Variants in ACAT2 observed in about 807,000 individuals in gnomAD.
The protein encoded by ACAT2 is acetyl-CoA acetyltransferase 2.
ACAT2 carries 26 observed loss-of-function variants against 37.1 expected under a neutral mutation model. The ratio of observed to expected loss-of-function variants is 0.70; its 90% CI spans 0.51 to 0.97. The LOEUF (loss-of-function observed/expected upper bound fraction) is 0.97. Among genes scored for constraint, ACAT2 ranks in the 50% least tolerant of loss-of-function variants. The probability of loss-of-function intolerance (pLI) is 0.00; values close to 1 mark genes in which losing one functional copy is unlikely to be tolerated. For missense variants in ACAT2, 468 were observed against 489.0 expected, an observed-to-expected ratio of 0.96 and a Z score of 0.40; for synonymous variants, 156 against 163.6, an observed-to-expected ratio of 0.95 and a Z score of 0.35.
chr6:159,772,456 GA>G (rs1780352599), intron 4 of ACAT2, among the ~76,000 whole-genome samples: 1 of 152,132 alleles, frequency 6.6e-6, no homozygotes, highest in Non-Finnish European at 1.5e-5. Context: ...GGCATCAATG[GA>G]ATGAAATGGA....
At chr6:159,765,682 T>A (rs75482622) in intron 2 of ACAT2, among the ~76,000 whole-genome samples, 1 of 9,070 alleles carries the variant, frequency 1.1e-4, no homozygotes, top group Non-Finnish European at 3.1e-4. Context: ...TGCGCCCCCC[T>A]CCCCCGGCCT....
At position 159,777,395 on chromosome 6, in the gene ACAT2, C is replaced by G. The variant is rs146437481; in HGVS notation, c.851C>G (p.Ser284Cys). 5.0e-4 allele frequency: 809 copies of G among 1,614,142 alleles called. 7 individuals are homozygous for G. In the East Asian group the frequency reaches 0.013, roughly 25 times the overall value. The change falls in exon 7 of 9, where the codon TCC becomes TGC. Residue 284 changes from serine (S) to cysteine (C), a missense_variant. Ser to Cys is a moderately radical substitution (Grantham distance 112). Transcript: ENST00000367048. The part of the protein sequence containing the change: ...LTPLARIVSW[S>C]QVGVEPSIMG... ...CCTTTAGCACGGATAGTTTCCTGGT[C>G]CCAAGTGGGTGTGGAGCCTTCCATT...
chr6:159,777,190 C>A (rs1780434838), intron 6 of ACAT2, 112 bp from the exon 7 acceptor site: 1 of 1,236,934 alleles, frequency 8.1e-7, no homozygotes, highest in Non-Finnish European at 1.1e-6. Context: ...TAGTAAATGC[C>A]TTAGCCAACA....
intron 4 of ACAT2, among the ~76,000 whole-genome samples, chr6:159,770,378 A>G (rs1445116070): frequency 6.6e-6 from 1 of 152,258 alleles, no homozygotes; most frequent in Non-Finnish European, 1.5e-5. Context: ...TCTATTTTAC[A>G]TATGTTTAAA....
rs768016464 is a variant in ACAT2, at chr6:159,767,165, A to G, written c.351A>G (p.Gly117=). The G allele has an allele frequency of 1.2e-6, 2 of 1,614,212 alleles. No homozygotes were observed. The highest frequency in any genetic ancestry group is 1.7e-5 in the Admixed American group (1 of 60,026). The change falls in exon 3 of 9, where the codon GGA becomes GGG. Residue 117 remains glycine, a synonymous_variant. Transcript: ENST00000367048. ...GIGDSSIVVA[G]GMENMSKAPH... is the part of the protein sequence containing the mutation. The stretch of plus-strand genomic sequence containing the variant: ...GAGACTCCAGCATTGTGGTTGCAGG[A>G]GGCATGGAAAATATGAGCAAGGTAA...
chr6:159,764,554 C>G (rs1332046996), intron 2 of ACAT2, among the ~76,000 whole-genome samples: 1 of 152,146 alleles, frequency 6.6e-6, no homozygotes, highest in Non-Finnish European at 1.5e-5. Context: ...ACGGTATCCT[C>G]CCACCTCAGC....
rs1780394626 is a variant in ACAT2, at chr6:159,775,246, A to G, written c.567A>G (p.Thr189=). Residue 189 remains threonine, a synonymous_variant, in exon 5 of 9, where the codon ACA becomes ACG. Transcript: ENST00000367048. ...DKVAVLSQNR[T]ENAQKAGHFD... ...TTGCAGTTCTGTCCCAGAACAGGAC[A>G]GAGAATGCACAGAAAGCTGGCCATT... The G allele has an allele frequency of 6.2e-7, 1 of 1,614,226 alleles. No individual in the cohort carries two copies. The highest frequency in any genetic ancestry group is 2.2e-5 in the East Asian group (1 of 44,890).
chr6:159,772,694 G>T (rs755075464), intron 4 of ACAT2, among the ~76,000 whole-genome samples: 5 of 152,054 alleles, frequency 3.3e-5, no homozygotes, highest in Admixed American at 6.6e-5. Flanking sequence ...GGGAGGCTGT[G>T]GTGGGAGGAT....
rs1419656157 is a variant in ACAT2 at position 159,778,296 on chromosome 6, T to G, written c.1023+16T>G. The G allele has an allele frequency of 6.5e-7, 1 of 1,540,900 alleles. No individual in the cohort carries two copies. Among genetic ancestry groups the G allele is most frequent in the African/African-American group, 1.4e-5 (1 of 73,010 alleles). ...CCCAGAGAAGGTAAAGATGCACAAGTAACCCTGAGAGCTTACCAGTGAATT... is the reference window on the plus strand; with the variant it reads ...CCCAGAGAAGGTAAAGATGCACAAGGAACCCTGAGAGCTTACCAGTGAATT... On this transcript the variant is annotated intron_variant, in intron 8 of 8. Coordinates refer to ENST00000367048, the MANE Select transcript of ACAT2 (RefSeq NM_005891.3).
At chr6:159,778,578 T>A in intron 8 of ACAT2, 81 bp from the exon 9 acceptor site, 2 of 1,477,354 alleles carry the variant, frequency 1.4e-6, no homozygotes, top group Non-Finnish European at 1.9e-6. Context: ...TGCTGATACA[T>A]TAAGAGGAAA....
At chr6:159,767,745 G>T (rs1410226785) in intron 3 of ACAT2, among the ~76,000 whole-genome samples, 1 of 152,152 alleles carries the variant, frequency 6.6e-6, no homozygotes, top group Admixed American at 6.5e-5. Context: ...TGCAGCTCAG[G>T]GGCTGAGGTG....
At chr6:159,765,069 G>A (rs970693739) in intron 2 of ACAT2, among the ~76,000 whole-genome samples, 1 of 152,144 alleles carries the variant, frequency 6.6e-6, no homozygotes, top group African/African-American at 2.4e-5. Flanking sequence ...CATGAAGCTC[G>A]TAGTATGCTA....
chr6:159,765,986 T>A (rs898702907), intron 2 of ACAT2, among the ~76,000 whole-genome samples: 1 of 152,210 alleles, frequency 6.6e-6, no homozygotes, highest in African/African-American at 2.4e-5. Flanking sequence ...ACATTTACCA[T>A]TGACTCTGAT....
intron 4 of ACAT2, among the ~76,000 whole-genome samples, chr6:159,772,636 A>G (rs1383647085): frequency 6.6e-6 from 1 of 152,092 alleles, no homozygotes; most frequent in Non-Finnish European, 1.5e-5. Flanking sequence ...ATATAAGAGA[A>G]TAGCTTTTAC....
At chr6:159,762,807 T>C (rs1780173781) in intron 1 of ACAT2, 112 bp from the exon 2 acceptor site, 1 of 1,593,968 alleles carries the variant, frequency 6.3e-7, no homozygotes, top group Non-Finnish European at 8.5e-7. Flanking sequence ...GAGAGGGCAC[T>C]GCCTCCTCGC....
At chr6:159,775,109 TG>T in intron 4 of ACAT2, 60 bp from the exon 5 acceptor site, 1 of 1,582,456 alleles carries the variant, frequency 6.3e-7, no homozygotes, top group Non-Finnish European at 8.6e-7. Flanking sequence ...GTGGACGACT[TG>T]AGCTATCAAA....
At position 159,762,430 on chromosome 6, in the gene ACAT2, G is replaced by A. The variant is rs1031987154; in HGVS notation, c.55+288G>A. 4 of 1,366,982 alleles carry A rather than the reference G, an allele frequency of 2.9e-6. No individual in the cohort carries two copies. In the African/African-American group the frequency reaches 5.9e-5, roughly 20 times the overall value. The allele number at this position is 1,366,982 out of a possible 1,614,324, so 84.7% of individuals were successfully genotyped here. On this transcript the variant is annotated intron_variant, in intron 1 of 8. Coordinates refer to ENST00000367048, the MANE Select transcript of ACAT2 (RefSeq NM_005891.3). ...CCTCTCCCATTGGTTGGCGTAGGGA[G>A]GTGTTCTCCTCCGGGGCCCCTGATT... is the stretch of plus-strand genomic sequence containing the variant.
chr6:159,775,869 A>G (rs1780404726), intron 5 of ACAT2: 3 of 346,752 alleles, frequency 8.7e-6, no homozygotes, highest in African/African-American at 4.3e-5. Context: ...GACCCAAACT[A>G]TAGCAGAATT....
chr6:159,764,018 G>A (rs1226840412), intron 2 of ACAT2, among the ~76,000 whole-genome samples: 2 of 150,844 alleles, frequency 1.3e-5, no homozygotes, highest in African/African-American at 2.4e-5. Flanking sequence ...GGAGAATGGC[G>A]TGAACCCGGG....
Sources: allele counts gnomAD v4.1 joint callset (sites outside exome capture counted in the v4.1 genomes callset), GRCh38; gene constraint gnomAD v4.1.1; transcripts MANE v1.5; gene names NCBI Gene and HGNC (gene_info 2026-07-23, HGNC 2026-07-21).